The following GRID2IP variants were observed in gnomAD, a reference collection of about 807,000 sequenced individuals.
The protein encoded by GRID2IP is delphilin.
Under a neutral mutation model 114.3 loss-of-function variants are expected in GRID2IP, and 78 were observed. That is an observed-to-expected ratio of 0.68 (90% CI 0.57 to 0.82). GRID2IP has a LOEUF of 0.82. Among genes scored for constraint, GRID2IP ranks in the 40% least tolerant of loss-of-function variants. The pLI is 0.00. For synonymous variants in GRID2IP, 809 were observed against 724.0 expected (o/e 1.12, Z -1.89); for missense variants, 1,727 against 1,678.5 (o/e 1.03, Z -0.51).
chr7:6,521,565 G>C lies in GRID2IP; in HGVS notation c.990-42C>G, dbSNP rs547713893. On this transcript the variant is annotated intron_variant, in intron 5 of 21. Coordinates refer to ENST00000457091, the MANE Select transcript of GRID2IP (RefSeq NM_001145118.2). The surrounding 1 kb of genome is among the most constrained non-coding windows in gnomAD (Gnocchi z 4.1). ...GCCCAGGAGGGCCTGACTGGGGTGA[G>C]CCCTGTCCACGGCCACCAGCCAGAC... 1 of 1,440,330 alleles carries C rather than the reference G, an allele frequency of 6.9e-7. No individual in the cohort carries two copies. The highest frequency in any genetic ancestry group is 9.4e-7 in the Non-Finnish European group (1 of 1,063,436). 89.2% of individuals were successfully genotyped at this position (1,440,330 alleles called of 1,614,324 possible). A position where few individuals can be genotyped will look rare whatever the true frequency, so the allele number is the denominator to read the frequency against.
At position 6,523,809 on chromosome 7, in the gene GRID2IP, C is replaced by A. The variant is rs1376152579; in HGVS notation, c.920-1852G>T. Among the ~76,000 whole-genome samples the A allele has an allele frequency of 6.6e-6, 1 of 152,132 alleles. No individual in the cohort carries two copies. Among genetic ancestry groups the A allele is most frequent in the Non-Finnish European group, 1.5e-5 (1 of 68,028 alleles). ...AAAGTGCTGGGATTACAAGTGTGAG[C>A]CACTGCACCCAGCCACACCTGGATT... On this transcript the variant is annotated intron_variant, in intron 4 of 21. Transcript: ENST00000457091. The surrounding 1 kb of genome is among the most constrained non-coding windows in gnomAD (Gnocchi z 4.5).
chr7:6,538,096 C>T (rs911767420), intron 2 of GRID2IP, among the ~76,000 whole-genome samples: 2 of 152,066 alleles, frequency 1.3e-5, no homozygotes, highest in African/African-American at 4.8e-5. Context: ...GGTCGGGCAC[C>T]GTGGCTCATG....
At chr7:6,503,263 C>A in intron 16 of GRID2IP, 100 bp from the exon 17 acceptor site, 1 of 1,181,524 alleles carries the variant, frequency 8.5e-7, no homozygotes, top group Non-Finnish European at 1.2e-6. Flanking sequence ...CTGGCTGCTT[C>A]GGCCCGATAT....
At chr7:6,542,751 T>G (rs1779832563) in intron 1 of GRID2IP, among the ~76,000 whole-genome samples, 1 of 152,102 alleles carries the variant, frequency 6.6e-6, no homozygotes, top group Non-Finnish European at 1.5e-5. Context: ...TGTTTGAAAA[T>G]GGATGGTAGT....
chr7:6,501,553 T>C lies in GRID2IP; in HGVS notation c.3399+228A>G, dbSNP rs186024580. Among the ~76,000 whole-genome samples, 21 of 152,164 alleles carry C rather than the reference T, an allele frequency of 1.4e-4. No homozygotes were observed. In the East Asian group the frequency reaches 2.5e-3, roughly 18 times the overall value. ...CTTGTCTCTACTAAAAATACAAAAATTAGCCAGGCATAGCCTGGGTGACAG... is the reference window on the plus strand; with the variant it reads ...CTTGTCTCTACTAAAAATACAAAAACTAGCCAGGCATAGCCTGGGTGACAG... On this transcript the variant is annotated intron_variant, in intron 20 of 21. Coordinates refer to ENST00000457091, the MANE Select transcript of GRID2IP (RefSeq NM_001145118.2).
At position 6,502,815 on chromosome 7, in the gene GRID2IP, T is replaced by C; in HGVS notation, c.3121A>G (p.Thr1041Ala). The C allele has an allele frequency of 6.4e-7, 1 of 1,552,002 alleles. No individual in the cohort carries two copies. Residue 1041 changes from threonine to alanine, a missense_variant, in exon 18 of 22, where the codon ACG (threonine) becomes GCG (alanine). Thr to Ala is a moderately conservative substitution (Grantham distance 58). Transcript: ENST00000457091. Reference sequence around the variant, plus strand: ...GTCAGAAAGTTGATCTTGAAGCCCGTAGTCTTGTTGGTTTTGGGCTGTCCA... The same window carrying C: ...GTCAGAAAGTTGATCTTGAAGCCCGCAGTCTTGTTGGTTTTGGGCTGTCCA... ...NDGQPKTNKT[T>A]GFKINFLTEL...
rs1001140787 is a variant in GRID2IP at position 6,510,950 on chromosome 7, G to A, written c.1513C>T (p.Arg505Cys). The A allele has an allele frequency of 3.2e-6, 5 of 1,548,654 alleles. No homozygotes were observed. The highest frequency in any genetic ancestry group is 4.4e-6 in the Non-Finnish European group (5 of 1,145,582). ...TCCAGGCCCTGGGACCGGAGGCTGC[G>A]GCGGCACATGGAGGAAGCCCGCAGG... Reference protein sequence around the residue: ...SSLRASSMCRRSLRSQGLEAG... With the variant: ...SSLRASSMCRCSLRSQGLEAG... The change falls in exon 9 of 22, where the codon CGC becomes TGC. Residue 505 changes from arginine to cysteine, a missense_variant. Transcript: ENST00000457091.
intron 7 of GRID2IP, among the ~76,000 whole-genome samples, chr7:6,517,305 T>TCCGC (rs1779328680): frequency 6.6e-6 from 1 of 151,578 alleles, no homozygotes; most frequent in African/African-American, 2.4e-5. Flanking sequence ...GATCTGCCCA[T>TCCGC]CTCAGCCTCC....
rs1416476516 is a variant in GRID2IP at position 6,504,856 on chromosome 7, G to A, written c.2647C>T (p.Pro883Ser). Residue 883 changes from proline (P) to serine (S), a missense_variant, in exon 15 of 22, where the codon CCG becomes TCG. Pro to Ser is a moderately conservative substitution (Grantham distance 74). Transcript: ENST00000457091. The part of the protein sequence containing the change: ...TQKPAKPVPG[P>S]EPFRKKEVVE... ...ACCTCCTTCTTCCGGAAGGGCTCCG[G>A]CCCCGGCACCGGTTCTGGAAAAGAA... 17 of 1,551,316 alleles carry A rather than the reference G, an allele frequency of 1.1e-5. No individual in the cohort carries two copies. The highest frequency in any genetic ancestry group is 1.5e-5 in the Non-Finnish European group (17 of 1,146,834).
At chr7:6,501,232 T>C (rs1171568996) in intron 20 of GRID2IP, among the ~76,000 whole-genome samples, 1 of 152,126 alleles carries the variant, frequency 6.6e-6, no homozygotes, top group Non-Finnish European at 1.5e-5. Context: ...GTGCCTGTAA[T>C]CCCAGCTACT....
chr7:6,543,460 C>T (rs1038444937), intron 1 of GRID2IP, among the ~76,000 whole-genome samples: 3 of 151,966 alleles, frequency 2.0e-5, no homozygotes, highest in Non-Finnish European at 4.4e-5. Context: ...CCTCACCATT[C>T]CCAGTCTCCA....
chr7:6,501,813 AG>A lies in GRID2IP; in HGVS notation c.3366del (p.Ser1123LeufsTer62). On this transcript the variant is annotated frameshift_variant, in exon 20 of 22. Coordinates refer to ENST00000457091, the MANE Select transcript of GRID2IP (RefSeq NM_001145118.2). LOFTEE classifies it high-confidence loss of function. Reference protein sequence around the residue: ...EIQDACQSISPSSEDKFAMVM... With the variant: ...EIQDACQSISXSSEDKFAMVM... ...ACCATTGCAAACTTGTCCTCGCTAG[AG>A]GGGGAAATGCTCTGGCAGGCATCCT... 1 of 1,551,392 alleles carries A rather than the reference AG, an allele frequency of 6.4e-7. No individual in the cohort carries two copies. Among genetic ancestry groups the A allele is most frequent in the East Asian group, 2.4e-5 (1 of 40,914 alleles).
At chr7:6,504,712 C>T in intron 15 of GRID2IP, 81 bp downstream of exon 15, 1 of 1,092,452 alleles carries the variant, frequency 9.2e-7, no homozygotes, top group Admixed American at 2.3e-5. Context: ...TAATCTCTGT[C>T]ATCCACCTGG....
At position 6,498,191 on chromosome 7, in the gene GRID2IP, A is replaced by C; in HGVS notation, c.3437T>G (p.Leu1146Arg). 1.3e-6 allele frequency: 2 copies of C among 1,549,210 alleles called. No homozygotes were observed. Among genetic ancestry groups the C allele is most frequent in the Non-Finnish European group, 1.7e-6 (2 of 1,146,322 alleles). The stretch of plus-strand genomic sequence containing the variant: ...CATGGCCTCGCGCTGCAGCCCGTCG[A>C]GCGCCCGAAGTGCTGGCTGGGCCGT... ...LETAQPALRA[L>R]DGLQREAMEE... Residue 1146 changes from leucine (L) to arginine (R), a missense_variant, in exon 21 of 22, where the codon CTC (leucine) becomes CGC (arginine). Leu to Arg is a moderately radical substitution (Grantham distance 102, BLOSUM62 -2). Transcript: ENST00000457091.
intron 4 of GRID2IP, among the ~76,000 whole-genome samples, chr7:6,522,695 G>T (rs1240185550): frequency 6.6e-6 from 1 of 151,720 alleles, no homozygotes; most frequent in Non-Finnish European, 1.5e-5. Context: ...ACCCAGGCTG[G>T]AGTGCAGTGG....
Position 6,502,999 on chromosome 7 carries a change from C to T in GRID2IP, c.3063+9G>A, listed in dbSNP as rs1786459958. ...CAGATAGGGTGCCAGGAAGGGTACG[C>T]CCACTGACCTCCAGGATCTTGGCGA... On this transcript the variant is annotated intron_variant, in intron 17 of 21. Coordinates refer to ENST00000457091, the MANE Select transcript of GRID2IP (RefSeq NM_001145118.2). The T allele has an allele frequency of 4.5e-6, 7 of 1,551,354 alleles. No individual in the cohort carries two copies. The highest frequency in any genetic ancestry group is 1.2e-5 in the South Asian group (1 of 84,064).
In GRID2IP at chr7:6,526,453, C is replaced by A; in HGVS notation, c.833+68G>T. 6.8e-7 allele frequency: 1 copy of A among 1,473,086 alleles called. No individual in the cohort carries two copies. The highest frequency in any genetic ancestry group is 2.5e-5 in the East Asian group (1 of 39,842). 91.3% of individuals were successfully genotyped at this position (1,473,086 alleles called of 1,614,324 possible). A position where few individuals can be genotyped will look rare whatever the true frequency, so the allele number is the denominator to read the frequency against. The stretch of plus-strand genomic sequence containing the variant: ...CCCAGCCCCGCCCCTACGCCCTCTC[C>A]CCGGGTCTCGGTCCCGAGCCCACCC... On this transcript the variant is annotated intron_variant, in intron 3 of 21. Transcript: ENST00000457091. This position sits in a 1 kb window ranked among gnomAD's most constrained non-coding sequence, Gnocchi z 7.6.
At position 6,509,347 on chromosome 7, in the gene GRID2IP, C is replaced by A; in HGVS notation, c.1772-34G>T. 1 of 1,457,340 alleles carries A rather than the reference C, an allele frequency of 6.9e-7. No individual in the cohort carries two copies. 90.3% of individuals were successfully genotyped at this position (1,457,340 alleles called of 1,614,324 possible). A position where few individuals can be genotyped will look rare whatever the true frequency, so the allele number is the denominator to read the frequency against. ...GGGATGGAGTATGAGGATTCCTCTTCAGCCAGCACCGAGGTTCCAGGTGCA... is the reference window on the plus strand; with the variant it reads ...GGGATGGAGTATGAGGATTCCTCTTAAGCCAGCACCGAGGTTCCAGGTGCA... On this transcript the variant is annotated intron_variant, in intron 11 of 21. Transcript: ENST00000457091. This position sits in a 1 kb window ranked among gnomAD's most constrained non-coding sequence, Gnocchi z 4.9.
chr7:6,503,821 A>C (rs1786491008), intron 15 of GRID2IP, 134 bp from the exon 16 acceptor site: 2 of 609,830 alleles, frequency 3.3e-6, no homozygotes, highest in Non-Finnish European at 5.3e-6. Flanking sequence ...CGGGGCCTTG[A>C]GGCTGGAAGG....
Sources: gnomAD v4.1 joint callset for allele counts (sites outside exome capture counted in the v4.1 genomes callset) on GRCh38, gnomAD v4.1.1 for gene constraint, Gnocchi (gnomAD v3.1) non-coding constraint, MANE v1.5 for transcripts, NCBI Gene and HGNC (gene_info 2026-07-23, HGNC 2026-07-21) for gene names.